MSH6: variants seen among roughly 807,000 people sequenced by gnomAD.
MSH6 encodes DNA mismatch repair protein Msh6.
In MSH6, 85 loss-of-function variants were observed where a neutral mutation model predicts 119.1. The ratio of observed to expected loss-of-function variants is 0.71; its 90% confidence interval spans 0.60 to 0.85. The LOEUF is 0.85. MSH6 is among the 40% of genes least tolerant of loss of function. MSH6 has a pLI of 0.00. For synonymous variants in MSH6, 830 were observed against 586.9 expected (o/e 1.41, Z -5.99); for missense variants, 2,163 against 1,655.3 (o/e 1.31, Z -5.32).
intron 2 of MSH6, among the ~76,000 whole-genome samples, chr2:47,793,661 A>C (rs537683924): frequency 1.3e-5 from 2 of 151,876 alleles, no homozygotes; most frequent in Admixed American, 6.6e-5. Context: ...AAGTAAAAAG[A>C]TCTCTCATTG....
At chr2:47,795,549 T>C (rs111861797) in intron 2 of MSH6, among the ~76,000 whole-genome samples, 21,394 of 149,718 alleles carry the variant, frequency 0.14, 1,748 homozygotes, top group Non-Finnish European at 0.19. Context: ...CACTGCAACC[T>C]CTGCCTCCCA....
chr2:47,796,491 C>T (rs138385172), intron 3 of MSH6, among the ~76,000 whole-genome samples: 232 of 152,318 alleles, frequency 1.5e-3, no homozygotes, highest in Middle Eastern at 6.8e-3. Flanking sequence ...ATCTGCCCAC[C>T]TGGGCCTCCC....
chr2:47,783,841 A>C, intron 1 of MSH6: 2 of 608,322 alleles, frequency 3.3e-6, no homozygotes, highest in Non-Finnish European at 3.7e-6. Flanking sequence ...GGGGCCTGGG[A>C]GGTGGGAGCA....
At chr2:47,809,751 G>A (rs376248060), downstream of MSH6, 2 of 1,320,296 alleles carry the variant, frequency 1.5e-6, no homozygotes, top group Non-Finnish European at 2.2e-6. Flanking sequence ...ACTTTATACT[G>A]CTTCTTAAAA....
At chr2:47,807,415 A>ATTT (rs1670295726), downstream of MSH6, 2 of 205,900 alleles carry the variant, frequency 9.7e-6, no homozygotes, top group Non-Finnish European at 2.0e-5. Context: ...AATGCTGCAC[A>ATTT]GGGAAGGGAA....
intron 5 of MSH6, among the ~76,000 whole-genome samples, chr2:47,804,063 A>G (rs2104492423): frequency 1.3e-5 from 2 of 152,336 alleles, no homozygotes; most frequent in Middle Eastern, 6.8e-3. Flanking sequence ...CAAATGAGGT[A>G]AGAAAGCAAA....
At chr2:47,792,140 C>T (rs1226376924) in intron 2 of MSH6, among the ~76,000 whole-genome samples, 1 of 152,172 alleles carries the variant, frequency 6.6e-6, no homozygotes, top group Non-Finnish European at 1.5e-5. Context: ...GCCACTGTGC[C>T]CAGCCGCCCA....
At chr2:47,798,586 T>G in intron 3 of MSH6, 25 bp from the exon 4 acceptor site, 1 of 1,604,180 alleles carries the variant, frequency 6.2e-7, no homozygotes, top group Non-Finnish European at 8.5e-7. Context: ...GATTTGTTTT[T>G]AAATACTCTT....
At chr2:47,804,106 C>T (rs1372863147) in intron 5 of MSH6, among the ~76,000 whole-genome samples, 1 of 151,954 alleles carries the variant, frequency 6.6e-6, no homozygotes, top group Non-Finnish European at 1.5e-5. Context: ...CTGTTGAAAA[C>T]TGCTCTTTAG....
At chr2:47,786,442 C>T (rs1199832491) in intron 1 of MSH6, among the ~76,000 whole-genome samples, 1 of 151,566 alleles carries the variant, frequency 6.6e-6, no homozygotes, top group Admixed American at 6.6e-5. Context: ...TCCAGCGATT[C>T]TCCTGCCTCA....
At chr2:47,809,714 T>G (rs750556419), downstream of MSH6, 1 of 1,594,168 alleles carries the variant, frequency 6.3e-7, no homozygotes, top group Non-Finnish European at 8.6e-7. Context: ...ATACCTGAAG[T>G]AAAATTTACA....
intron 2 of MSH6, among the ~76,000 whole-genome samples, chr2:47,791,995 C>T (rs955197402): frequency 6.6e-6 from 1 of 152,102 alleles, no homozygotes; most frequent in Non-Finnish European, 1.5e-5. Context: ...TACAGGTGCA[C>T]ACCACCAAGC....
intron 4 of MSH6, among the ~76,000 whole-genome samples, chr2:47,802,635 GTT>G (rs527836963): frequency 0.085 from 9,852 of 115,794 alleles, 417 homozygotes; most frequent in Non-Finnish European, 0.12. Flanking sequence ...GCCCAGCCCT[GTT>G]TTTTTTTTTT....
chr2:47,809,579 G>A (rs542408171), downstream of MSH6: 3 of 1,517,944 alleles, frequency 2.0e-6, no homozygotes, highest in African/African-American at 2.7e-5. Flanking sequence ...ATATTTATAG[G>A]TATAGCAGAC....
chr2:47,788,246 C>CTTTTTTTTTT lies in MSH6; in HGVS notation c.261-2664_261-2655dup, dbSNP rs560110301. Among the ~76,000 whole-genome samples the CTTTTTTTTTT allele has an allele frequency of 9.6e-4, 86 of 90,052 alleles. 2 individuals carry two copies. Among genetic ancestry groups the CTTTTTTTTTT allele is most frequent in the African/African-American group, 2.8e-3 (57 of 20,710 alleles). The allele number at this position is 90,052 out of a possible 152,430, so 59.1% of individuals were successfully genotyped here. On this transcript the variant is annotated intron_variant, in intron 1 of 9. Transcript: ENST00000234420. ...ATTTCTTTTCTTTCATTCTTTCTTTCTTTTTTTTTTTTTTTTTTTTTTTTT... is the reference window on the plus strand; with the variant it reads ...ATTTCTTTTCTTTCATTCTTTCTTTCTTTTTTTTTTTTTTTTTTTTTTTTTTTTTTTTTTT...
At chr2:47,809,223 A>G (rs754794147), downstream of MSH6, 2 of 1,607,090 alleles carry the variant, frequency 1.2e-6, no homozygotes, top group South Asian at 2.2e-5. Flanking sequence ...GGCCTCTACT[A>G]ACAGCCTTTT....
chr2:47,805,613 TTA>T lies in MSH6; in HGVS notation c.3557-4_3557-3del, dbSNP rs1553332588. On this transcript the variant is annotated splice_polypyrimidine_tract_variant and splice_region_variant and intron_variant, in intron 6 of 9. Coordinates refer to ENST00000234420, the MANE Select transcript of MSH6 (RefSeq NM_000179.3). The stretch of plus-strand genomic sequence containing the variant: ...GTATTCATTTGTGATTTTTTTTTTT[TTA>T]AGGTGAAAGTACATTTTTTGTTGAA... 2 of 1,604,694 alleles carry T rather than the reference TTA, an allele frequency of 1.2e-6. No individual in the cohort carries two copies. Among genetic ancestry groups the T allele is most frequent in the South Asian group, 2.2e-5 (2 of 90,764 alleles).
chr2:47,793,905 A>G (rs953205934), intron 2 of MSH6, among the ~76,000 whole-genome samples: 1 of 151,514 alleles, frequency 6.6e-6, no homozygotes, highest in African/African-American at 2.4e-5. Context: ...TGATTTTTGT[A>G]TTTTTCAGTA....
At chr2:47,798,575 T>G in intron 3 of MSH6, 36 bp from the exon 4 acceptor site, 3 of 1,601,270 alleles carry the variant, frequency 1.9e-6, no homozygotes, top group Non-Finnish European at 2.5e-6. Context: ...TTCCAAATTT[T>G]GATTTGTTTT....
Sources: allele counts gnomAD v4.1 joint callset (sites outside exome capture counted in the v4.1 genomes callset), GRCh38; gene constraint gnomAD v4.1.1; transcripts MANE v1.5; gene names NCBI Gene and HGNC (gene_info 2026-07-23, HGNC 2026-07-21).